Variants in MYLK observed in about 807,000 individuals in gnomAD.
The protein encoded by MYLK is myosin light chain kinase.
In MYLK, 106 loss-of-function variants were observed where a neutral mutation model predicts 203.4. That is an observed-to-expected ratio of 0.52 (90% CI 0.45 to 0.61). MYLK has a LOEUF of 0.61. Among genes scored for constraint, MYLK ranks in the 20% least tolerant of loss-of-function variants. The pLI is 0.00. For missense variants in MYLK, 2,072 were observed against 2,442.3 expected, an observed-to-expected ratio of 0.85 and a Z score of 3.20; for synonymous variants, 867 against 959.5, an observed-to-expected ratio of 0.90 and a Z score of 1.78.
chr3:123,645,413 A>C (rs898574195), intron 27 of MYLK, among the ~76,000 whole-genome samples: 1 of 152,184 alleles, frequency 6.6e-6, no homozygotes, highest in African/African-American at 2.4e-5. Flanking sequence ...AGAAAAGACT[A>C]ATATTCCACT....
At chr3:123,624,128 C>T (rs2058016195) in intron 31 of MYLK, 1 of 152,034 alleles carries the variant, frequency 6.6e-6, no homozygotes, top group Non-Finnish European at 1.5e-5. Flanking sequence ...CAAGACTAGT[C>T]TAGGCAACAT....
At chr3:123,709,521 C>G (rs2108650050) in intron 14 of MYLK, 1 of 585,758 alleles carries the variant, frequency 1.7e-6, no homozygotes, top group Middle Eastern at 5.0e-4. Flanking sequence ...TTTCACTGCT[C>G]TAGCTCTATG....
At chr3:123,762,440 A>C (rs1424842299) in intron 4 of MYLK, among the ~76,000 whole-genome samples, 2 of 152,082 alleles carry the variant, frequency 1.3e-5, no homozygotes, top group Admixed American at 1.3e-4. Context: ...CATGTTGCCC[A>C]GGCTGGTCTC....
At position 123,666,351 on chromosome 3, in the gene MYLK, G is replaced by C; in HGVS notation, c.3704-5C>G. On this transcript the variant is annotated splice_polypyrimidine_tract_variant and splice_region_variant and intron_variant, in intron 21 of 33. Transcript: ENST00000360304. Reference sequence around the variant, plus strand: ...GGATGATCTGAGGGGGCATTGCTGAGGGAGGACAGGGAGAAAGTGAGCGAG... The same window carrying C: ...GGATGATCTGAGGGGGCATTGCTGACGGAGGACAGGGAGAAAGTGAGCGAG... 3.1e-6 allele frequency: 5 copies of C among 1,614,190 alleles called. No individual in the cohort carries two copies. The highest frequency in any genetic ancestry group is 4.2e-6 in the Non-Finnish European group (5 of 1,180,038).
At chr3:123,779,345 C>G (rs1033991313) in intron 4 of MYLK, among the ~76,000 whole-genome samples, 3 of 152,264 alleles carry the variant, frequency 2.0e-5, no homozygotes, top group African/African-American at 4.8e-5. Flanking sequence ...TGGCTCCCCT[C>G]AGCCTAATGC....
Position 123,640,226 on chromosome 3 carries a change from T to G in MYLK, c.4837+61A>C. 8 of 1,481,280 alleles carry G rather than the reference T, an allele frequency of 5.4e-6. No homozygotes were observed. Among genetic ancestry groups the G allele is most frequent in the Non-Finnish European group, 6.6e-6 (7 of 1,060,042 alleles). 91.8% of individuals were successfully genotyped at this position (1,481,280 alleles called of 1,614,324 possible). Reference sequence around the variant, plus strand: ...TGTATGTTTCCTCTCACACTCAGTGTGAGAGGAAACGGCCAGTGCAATACA... The same window carrying G: ...TGTATGTTTCCTCTCACACTCAGTGGGAGAGGAAACGGCCAGTGCAATACA... On this transcript the variant is annotated intron_variant, in intron 28 of 33. Coordinates refer to ENST00000360304, the MANE Select transcript of MYLK (RefSeq NM_053025.4). This position sits in a 1 kb window ranked among gnomAD's most constrained non-coding sequence, Gnocchi z 4.3.
intron 3 of MYLK, among the ~76,000 whole-genome samples, chr3:123,824,020 A>T (rs1436506282): frequency 6.6e-6 from 1 of 151,372 alleles, no homozygotes; most frequent in Non-Finnish European, 1.5e-5. Context: ...TGACCACTTG[A>T]CCATCCTATA....
chr3:123,750,325 G>C (rs2063154553), intron 5 of MYLK, among the ~76,000 whole-genome samples: 1 of 152,206 alleles, frequency 6.6e-6, no homozygotes. Context: ...GGGTGGGGTT[G>C]AGAGCCTTAG....
intron 6 of MYLK, among the ~76,000 whole-genome samples, chr3:123,739,489 A>C (rs980911251): frequency 6.6e-6 from 1 of 152,206 alleles, no homozygotes; most frequent in African/African-American, 2.4e-5. Flanking sequence ...TAGGAGATGA[A>C]ACTATAAAAT....
intron 23 of MYLK, among the ~76,000 whole-genome samples, chr3:123,661,065 A>G (rs908781633): frequency 6.6e-5 from 10 of 152,206 alleles, no homozygotes; most frequent in Non-Finnish European, 1.5e-5. Flanking sequence ...CCAGGACGGC[A>G]TTTAACATGC....
intron 2 of MYLK, among the ~76,000 whole-genome samples, chr3:123,859,348 T>C (rs1330685603): frequency 6.6e-6 from 1 of 152,244 alleles, no homozygotes; most frequent in Non-Finnish European, 1.5e-5. Context: ...TGTTTTAAGT[T>C]AAAATGTTTT....
intron 7 of MYLK, among the ~76,000 whole-genome samples, chr3:123,738,011 T>C (rs73857503): frequency 0.037 from 5,647 of 151,980 alleles, 336 homozygotes; most frequent in African/African-American, 0.12. Flanking sequence ...TTAACAGCCA[T>C]CCCCAACCCC....
At chr3:123,822,816 C>T (rs1405408798) in intron 3 of MYLK, among the ~76,000 whole-genome samples, 2 of 152,110 alleles carry the variant, frequency 1.3e-5, no homozygotes, top group African/African-American at 4.8e-5. Context: ...GTCCCCACAC[C>T]CACCCAATAC....
intron 4 of MYLK, among the ~76,000 whole-genome samples, chr3:123,774,318 A>T (rs575847250): frequency 6.6e-6 from 1 of 152,156 alleles, no homozygotes; most frequent in East Asian, 1.9e-4. Flanking sequence ...TTGCAGGGTC[A>T]GTGGAGACTG....
At chr3:123,877,293 TGTGA>T (rs1260576023) in intron 1 of MYLK, among the ~76,000 whole-genome samples, 1 of 152,088 alleles carries the variant, frequency 6.6e-6, no homozygotes, top group East Asian at 1.9e-4. Flanking sequence ...GGCTGTTCTG[TGTGA>T]AACAGGGAGC....
At chr3:123,840,538 G>T (rs2066567139) in intron 2 of MYLK, among the ~76,000 whole-genome samples, 1 of 150,706 alleles carries the variant, frequency 6.6e-6, no homozygotes, top group Non-Finnish European at 1.5e-5. Context: ...AAGAAATAGA[G>T]AACCTCAATT....
intron 19 of MYLK, chr3:123,691,636 C>CA (rs1481633124): frequency 6.6e-6 from 1 of 152,194 alleles, no homozygotes; most frequent in African/African-American, 2.4e-5. Context: ...ACGGGCTCTA[C>CA]ATGGTGTGGA....
At chr3:123,880,559 G>C (rs2148729599) in intron 1 of MYLK, among the ~76,000 whole-genome samples, 1 of 151,972 alleles carries the variant, frequency 6.6e-6, no homozygotes, top group Middle Eastern at 3.4e-3. Context: ...TGTCTCCAGA[G>C]GGCTCTGCAC....
intron 2 of MYLK, among the ~76,000 whole-genome samples, chr3:123,856,357 G>A (rs186555211): frequency 2.0e-4 from 31 of 152,312 alleles, no homozygotes; most frequent in Admixed American, 2.0e-4. Context: ...AGGGTACCAG[G>A]TTGAATGAGG....
Sources: allele counts gnomAD v4.1 joint callset (sites outside exome capture counted in the v4.1 genomes callset), GRCh38; gene constraint gnomAD v4.1.1; non-coding constraint Gnocchi (gnomAD v3.1); transcripts MANE v1.5; gene names NCBI Gene and HGNC (gene_info 2026-07-23, HGNC 2026-07-21).